Variants in ADAMTSL1 observed in about 807,000 individuals in gnomAD.
The protein encoded by ADAMTSL1 is ADAMTS-like protein 1.
In ADAMTSL1, 126 loss-of-function variants were observed where a neutral mutation model predicts 201.8. The ratio of observed to expected loss-of-function variants is 0.62; its 90% CI spans 0.54 to 0.72. ADAMTSL1 has a LOEUF of 0.72. Among genes scored for constraint, ADAMTSL1 ranks in the 30% least tolerant of loss-of-function variants. The pLI, the probability that ADAMTSL1 is intolerant of heterozygous loss-of-function variation, is 0.00. For missense variants in ADAMTSL1, 2,679 were observed against 2,277.8 expected (o/e 1.18, Z -3.59); for synonymous variants, 1,121 against 903.4 (o/e 1.24, Z -4.32).
intron 4 of ADAMTSL1, among the ~76,000 whole-genome samples, chr9:18,595,225 C>T (rs1824187563): frequency 6.6e-6 from 1 of 152,152 alleles, no homozygotes; most frequent in Admixed American, 6.5e-5. Context: ...GGCCTCTGCC[C>T]AGGTAGGATG....
At chr9:18,002,189 A>G (rs541196271) in intron 1 of ADAMTSL1, among the ~76,000 whole-genome samples, 6 of 152,202 alleles carry the variant, frequency 3.9e-5, no homozygotes, top group African/African-American at 1.2e-4. Context: ...TCAGAACATA[A>G]GAATAGGTGT....
At position 18,575,708 on chromosome 9, in the gene ADAMTSL1, T is replaced by C. The variant is rs12341996; in HGVS notation, c.474+1442T>C. ...ACTGTTTGAGTAAAAGCAAGGAAGA[T>C]TTCCATTTTAGAAGTGAAAAAACTG... On this transcript the variant is annotated intron_variant, in intron 4 of 28. Coordinates refer to ENST00000380548, the MANE Select transcript of ADAMTSL1 (RefSeq NM_001040272.6). 8.5e-3 allele frequency among the ~76,000 whole-genome samples: 1,294 copies of C among 152,250 alleles called. 14 individuals carry two copies. The highest frequency in any genetic ancestry group is 0.029 in the African/African-American group (1,188 of 41,558).
chr9:18,788,161 A>G (rs10811034), intron 19 of ADAMTSL1, among the ~76,000 whole-genome samples: 6,351 of 152,250 alleles, frequency 0.042, 294 homozygotes, highest in East Asian at 0.26. Flanking sequence ...CTCTTCATGA[A>G]CCTCAAATCT....
chr9:18,232,241 T>C (rs1287117701), intron 2 of ADAMTSL1, among the ~76,000 whole-genome samples: 1 of 152,164 alleles, frequency 6.6e-6, no homozygotes, highest in Non-Finnish European at 1.5e-5. Flanking sequence ...CCTTTATACT[T>C]GCTGTTCCCT....
intron 2 of ADAMTSL1, among the ~76,000 whole-genome samples, chr9:18,441,494 A>T (rs760882235): frequency 1.3e-5 from 2 of 152,198 alleles, no homozygotes; most frequent in African/African-American, 2.4e-5. Context: ...ACAGGATTTC[A>T]GATCCAGTGC....
chr9:18,282,523 T>C (rs1054198166), intron 2 of ADAMTSL1, among the ~76,000 whole-genome samples: 5 of 152,238 alleles, frequency 3.3e-5, no homozygotes, highest in African/African-American at 1.2e-4. Flanking sequence ...AAAAATAAAA[T>C]TTCAGCTCTT....
intron 1 of ADAMTSL1, among the ~76,000 whole-genome samples, chr9:17,929,931 T>C (rs1826710327): frequency 6.6e-6 from 1 of 152,190 alleles, no homozygotes; most frequent in Non-Finnish European, 1.5e-5. Flanking sequence ...CTGCACTCTA[T>C]ATATGTCACA....
chr9:18,687,332 GT>G (rs1830898924), intron 13 of ADAMTSL1, among the ~76,000 whole-genome samples: 1 of 152,042 alleles, frequency 6.6e-6, no homozygotes, highest in Non-Finnish European at 1.5e-5. Flanking sequence ...CTAAATGTAT[GT>G]AACAACCTAT....
At chr9:18,844,200 C>T (rs1161204800) in intron 23 of ADAMTSL1, among the ~76,000 whole-genome samples, 1 of 152,134 alleles carries the variant, frequency 6.6e-6, no homozygotes. Context: ...TGGTGATGTA[C>T]AGATGGGTTT....
At chr9:18,681,704 G>GGGA in intron 11 of ADAMTSL1, 108 bp from the exon 12 acceptor site, 2 of 716,348 alleles carry the variant, frequency 2.8e-6, no homozygotes, top group Middle Eastern at 4.7e-4. Flanking sequence ...GTGTGGGGGG[G>GGGA]GGGGGCGGGG....
At chr9:18,905,125 G>T (rs2131620190) in intron 26 of ADAMTSL1, among the ~76,000 whole-genome samples, 1 of 152,328 alleles carries the variant, frequency 6.6e-6, no homozygotes, top group East Asian at 1.9e-4. Flanking sequence ...TGAAATAGCA[G>T]ATGTTGGCTA....
At chr9:18,019,474 C>G (rs994912090) in intron 1 of ADAMTSL1, among the ~76,000 whole-genome samples, 15 of 151,986 alleles carry the variant, frequency 9.9e-5, no homozygotes, top group African/African-American at 3.4e-4. Context: ...AAAGGTAATG[C>G]CTTGGTGTTC....
chr9:18,562,578 G>C (rs1332440796), intron 3 of ADAMTSL1, among the ~76,000 whole-genome samples: 2 of 152,126 alleles, frequency 1.3e-5, no homozygotes, highest in African/African-American at 2.4e-5. Context: ...TGCTAGGTTG[G>C]GGAAGTCTCC....
intron 23 of ADAMTSL1, among the ~76,000 whole-genome samples, chr9:18,849,648 C>T (rs551795821): frequency 2.6e-5 from 4 of 152,166 alleles, no homozygotes; most frequent in South Asian, 4.2e-4. Flanking sequence ...GAAAGGAAGA[C>T]GGAGGGAAAG....
rs1441897894 is a variant in ADAMTSL1 at position 18,892,472 on chromosome 9, A to C, written c.4727A>C (p.Lys1576Thr). The change falls in exon 26 of 29, where the codon AAA becomes ACA. Residue 1576 changes from lysine (K) to threonine (T), a missense_variant. Coordinates refer to ENST00000380548, the MANE Select transcript of ADAMTSL1 (RefSeq NM_001040272.6). The part of the protein sequence containing the change: ...QTRRVTCQKL[K>T]ASGISTPVSN... ...CGCAGGGTGACCTGTCAAAAGCTGA[A>C]AGCCTCTGGGATCTCCACCCCTGTG... 3 of 1,612,796 alleles carry C rather than the reference A, an allele frequency of 1.9e-6. No homozygotes were observed. The highest frequency in any genetic ancestry group is 1.7e-5 in the Admixed American group (1 of 59,906).
intron 9 of ADAMTSL1, among the ~76,000 whole-genome samples, chr9:18,671,183 C>T (rs1829787277): frequency 6.6e-6 from 1 of 151,986 alleles, no homozygotes. Flanking sequence ...GCCAATAGTA[C>T]ACAGTTAAAA....
chr9:18,476,505 C>CTTGCTCATTAACT (rs1821460153), intron 1 of ADAMTSL1, among the ~76,000 whole-genome samples: 1 of 152,130 alleles, frequency 6.6e-6, no homozygotes, highest in Non-Finnish European at 1.5e-5. Flanking sequence ...ACTTGTTAAA[C>CTTGCTCATTAACT]TTGCTCATTA....
At chr9:18,001,954 G>A (rs948355194) in intron 1 of ADAMTSL1, among the ~76,000 whole-genome samples, 11 of 152,082 alleles carry the variant, frequency 7.2e-5, no homozygotes, top group African/African-American at 2.4e-4. Flanking sequence ...GATAGGAAAT[G>A]GAGACTTCTG....
intron 1 of ADAMTSL1, among the ~76,000 whole-genome samples, chr9:18,156,956 A>G (rs1320764610): frequency 6.6e-6 from 1 of 152,076 alleles, no homozygotes; most frequent in Non-Finnish European, 1.5e-5. Flanking sequence ...TGTTTTGGGA[A>G]AGGTGCTGCC....
Sources: allele counts gnomAD v4.1 joint callset (sites outside exome capture counted in the v4.1 genomes callset), GRCh38; gene constraint gnomAD v4.1.1; transcripts MANE v1.5; gene names NCBI Gene and HGNC (gene_info 2026-07-23, HGNC 2026-07-21).